The following PTPRD variants were observed in gnomAD, a reference collection of about 807,000 sequenced individuals.
PTPRD encodes protein tyrosine phosphatase receptor type D.
Under a neutral mutation model 214.5 loss-of-function variants are expected in PTPRD, and 34 were observed. The observed-to-expected ratio is 0.16, with a 90% CI of 0.12 to 0.21. The LOEUF (loss-of-function observed/expected upper bound fraction) is 0.21. Among genes scored for constraint, PTPRD ranks in the 10% least tolerant of loss-of-function variants. The pLI is 1.00. For synonymous variants in PTPRD, 1,128 were observed against 845.7 expected (o/e 1.33, Z -5.79); for missense variants, 2,545 against 2,398.7 (o/e 1.06, Z -1.27).
rs142884115 is a variant in PTPRD at position 9,907,542 on chromosome 9, T to C, written c.-368+30965A>G. The stretch of plus-strand genomic sequence containing the variant: ...TATCACTGATGTCTATTCTTCTTCT[T>C]CTAAGGATATCAGTCATGTAGGATC... On this transcript the variant is annotated intron_variant, in intron 5 of 45. Transcript: ENST00000381196. Among the ~76,000 whole-genome samples, 6 of 152,100 alleles carry C rather than the reference T, an allele frequency of 3.9e-5. No individual in the cohort carries two copies. In the East Asian group the frequency reaches 1.2e-3, roughly 29 times the overall value.
chr9:9,854,714 C>T (rs1447445232), intron 5 of PTPRD, among the ~76,000 whole-genome samples: 1 of 151,498 alleles, frequency 6.6e-6, no homozygotes, highest in African/African-American at 2.4e-5. Context: ...TTTTAAATCC[C>T]TTTCAACTTC....
intron 11 of PTPRD, among the ~76,000 whole-genome samples, chr9:8,972,083 G>C (rs2099241930): frequency 6.6e-6 from 1 of 151,764 alleles, no homozygotes; most frequent in Non-Finnish European, 1.5e-5. Flanking sequence ...TAACATGAAA[G>C]AACTCAATCC....
At chr9:9,719,236 A>G (rs1595959419) in intron 7 of PTPRD, among the ~76,000 whole-genome samples, 1 of 152,130 alleles carries the variant, frequency 6.6e-6, no homozygotes, top group East Asian at 1.9e-4. Flanking sequence ...CTCTGCTGAG[A>G]GCTGTGCTGT....
chr9:8,970,638 C>G (rs909214320), intron 11 of PTPRD, among the ~76,000 whole-genome samples: 16 of 151,716 alleles, frequency 1.1e-4, no homozygotes, highest in Non-Finnish European at 2.1e-4. Context: ...CAAATTACAA[C>G]TAAAAATCTG....
intron 11 of PTPRD, among the ~76,000 whole-genome samples, chr9:8,782,826 C>G (rs539015239): frequency 1.3e-5 from 2 of 152,050 alleles, no homozygotes; most frequent in Admixed American, 1.3e-4. Context: ...GAACTCCTGA[C>G]CTCGTGATCT....
intron 8 of PTPRD, among the ~76,000 whole-genome samples, chr9:9,482,138 G>A (rs1285302393): frequency 6.6e-6 from 1 of 151,944 alleles, no homozygotes; most frequent in Non-Finnish European, 1.5e-5. Flanking sequence ...AGGTGGGCGA[G>A]GTTGGGAGAG....
At chr9:8,439,424 G>C (rs146885433) in intron 34 of PTPRD, among the ~76,000 whole-genome samples, 9 of 152,298 alleles carry the variant, frequency 5.9e-5, no homozygotes, top group African/African-American at 2.2e-4. Flanking sequence ...GGTTCTAAAA[G>C]TTATCGTACC....
intron 10 of PTPRD, among the ~76,000 whole-genome samples, chr9:9,049,443 G>C (rs1348534213): frequency 3.3e-5 from 5 of 152,108 alleles, no homozygotes; most frequent in Non-Finnish European, 7.4e-5. Flanking sequence ...ATAAATATTT[G>C]TCTTTCACTT....
chr9:9,061,029 T>C (rs1020722992), intron 10 of PTPRD, among the ~76,000 whole-genome samples: 1 of 152,292 alleles, frequency 6.6e-6, no homozygotes. Context: ...TTCATTTCTA[T>C]ACATTTCAAA....
intron 8 of PTPRD, among the ~76,000 whole-genome samples, chr9:9,432,384 G>C (rs1374460355): frequency 6.6e-6 from 1 of 152,080 alleles, no homozygotes. Flanking sequence ...AATATGGTGA[G>C]CCAAAGGAAC....
At chr9:9,957,435 A>T (rs1442409624) in intron 4 of PTPRD, among the ~76,000 whole-genome samples, 1 of 152,164 alleles carries the variant, frequency 6.6e-6, no homozygotes, top group African/African-American at 2.4e-5. Flanking sequence ...CAGATAAACA[A>T]GGTAAAATGT....
chr9:8,734,662 T>C (rs2098698236), intron 11 of PTPRD, among the ~76,000 whole-genome samples: 1 of 152,228 alleles, frequency 6.6e-6, no homozygotes, highest in Non-Finnish European at 1.5e-5. Flanking sequence ...GAGCACCTAC[T>C]GTGTGCAAGG....
chr9:8,800,233 A>T (rs2096543737), intron 11 of PTPRD, among the ~76,000 whole-genome samples: 1 of 151,974 alleles, frequency 6.6e-6, no homozygotes, highest in Non-Finnish European at 1.5e-5. Flanking sequence ...GGCTTTTTTT[A>T]AGGCATGTAT....
intron 11 of PTPRD, among the ~76,000 whole-genome samples, chr9:8,792,805 C>A (rs145436451): frequency 6.6e-6 from 1 of 152,110 alleles, no homozygotes; most frequent in African/African-American, 2.4e-5. Context: ...GCCCCTTTTT[C>A]CTTTTCTCCA....
intron 44 of PTPRD, among the ~76,000 whole-genome samples, chr9:8,326,119 A>G (rs556188452): frequency 5.9e-5 from 9 of 152,308 alleles, no homozygotes; most frequent in East Asian, 1.9e-4. Context: ...GAATAGGAGC[A>G]GTGAGAGAGG....
intron 11 of PTPRD, among the ~76,000 whole-genome samples, chr9:8,770,242 C>A (rs1297722237): frequency 6.6e-6 from 1 of 151,796 alleles, no homozygotes; most frequent in Non-Finnish European, 1.5e-5. Context: ...GAGATCAAGC[C>A]CACTGCATTC....
rs368764819 is a variant in PTPRD, at chr9:8,479,952, G to A, written c.3413+4167C>T. On this transcript the variant is annotated intron_variant, in intron 30 of 45. Transcript: ENST00000381196. ...TCAGATTAGATATGATCTCCTTCAG[G>A]AGGCCTCCCCTGACACCCAAATTGG... Among the ~76,000 whole-genome samples, 15 of 151,958 alleles carry A rather than the reference G, an allele frequency of 9.9e-5. No homozygotes were observed. The East Asian group carries it at 2.1e-3, about 22-fold the overall frequency.
chr9:9,274,745 T>C (rs1219860640), intron 9 of PTPRD, among the ~76,000 whole-genome samples: 1 of 150,958 alleles, frequency 6.6e-6, no homozygotes, highest in Non-Finnish European at 1.5e-5. Context: ...TTCCTGGAGC[T>C]GACTTAAGAC....
chr9:10,469,445 T>C (rs1169289742), intron 2 of PTPRD, among the ~76,000 whole-genome samples: 1 of 152,076 alleles, frequency 6.6e-6, no homozygotes, highest in Non-Finnish European at 1.5e-5. Flanking sequence ...AAAAGATCAT[T>C]AAAGATAGCA....
Sources: gnomAD v4.1 joint callset for allele counts (sites outside exome capture counted in the v4.1 genomes callset) on GRCh38, gnomAD v4.1.1 for gene constraint, MANE v1.5 for transcripts, NCBI Gene and HGNC (gene_info 2026-07-23, HGNC 2026-07-21) for gene names.